Variants in CAST observed in about 807,000 individuals in gnomAD.
CAST encodes the protein MIR583 host.
In CAST, 76 loss-of-function variants were observed where a neutral mutation model predicts 119.6. That is an observed-to-expected ratio of 0.64 (90% confidence interval 0.53 to 0.77). The LOEUF (loss-of-function observed/expected upper bound fraction) is 0.77, where lower values mean the gene tolerates loss of function less well. CAST is among the 30% of genes least tolerant of loss of function. The pLI, the probability that CAST is intolerant of heterozygous loss-of-function variation, is 0.00. For synonymous variants in CAST, 319 were observed against 331.6 expected (o/e 0.96, Z 0.41); for missense variants, 953 against 946.5 (o/e 1.01, Z -0.09).
chr5:96,121,472 T>G, the CAST span, among the ~76,000 whole-genome samples: 4 of 151,570 alleles, frequency 2.6e-5, no homozygotes, highest in South Asian at 2.1e-4. Flanking sequence ...TGAGCTTGCA[T>G]TCATTTTGAT....
chr5:96,174,110 T>G, the CAST span, among the ~76,000 whole-genome samples: 2 of 152,158 alleles, frequency 1.3e-5, no homozygotes, highest in Non-Finnish European at 2.9e-5. Context: ...TTTTCACTTT[T>G]AATTTCATGA....
At chr5:96,089,665 TG>T in the CAST span, among the ~76,000 whole-genome samples, 17 of 152,202 alleles carry the variant, frequency 1.1e-4, no homozygotes, top group Non-Finnish European at 1.6e-4. Flanking sequence ...TGTTTTTGTT[TG>T]TGTATGTGTA....
the CAST span, among the ~76,000 whole-genome samples, chr5:96,051,410 T>C: frequency 6.6e-6 from 1 of 152,152 alleles, no homozygotes; most frequent in Non-Finnish European, 1.5e-5. Context: ...GAATTTGTCT[T>C]TCAAATAAAA....
chr5:96,429,055 A>G, the CAST span, among the ~76,000 whole-genome samples: 2 of 152,156 alleles, frequency 1.3e-5, no homozygotes, highest in Non-Finnish European at 2.9e-5. Context: ...ATGTGCCATT[A>G]TAATTTTATG....
chr5:96,415,805 A>T, the CAST span, among the ~76,000 whole-genome samples: 1 of 151,132 alleles, frequency 6.6e-6, no homozygotes, highest in East Asian at 1.9e-4. Context: ...ACATTTCCAC[A>T]TTTTTTTTTC....
chr5:96,250,591 C>A, the CAST span, among the ~76,000 whole-genome samples: 1 of 152,052 alleles, frequency 6.6e-6, no homozygotes, highest in Non-Finnish European at 1.5e-5. Flanking sequence ...CATGCTCAAT[C>A]CTAATGTAAG....
chr5:96,439,822 A>G, the CAST span, among the ~76,000 whole-genome samples: 2 of 152,212 alleles, frequency 1.3e-5, no homozygotes, highest in Non-Finnish European at 2.9e-5. Context: ...TTAAAATAAT[A>G]TAATCCTTGA....
chr5:96,028,595 G>A, the CAST span, among the ~76,000 whole-genome samples: 1 of 151,892 alleles, frequency 6.6e-6, no homozygotes, highest in African/African-American at 2.4e-5. Flanking sequence ...CTAGTATGGT[G>A]CATTCAAAAT....
chr5:96,639,000 T>TCCTA (rs1747918758), intron 1 of CAST, among the ~76,000 whole-genome samples: 1 of 152,234 alleles, frequency 6.6e-6, no homozygotes, highest in Non-Finnish European at 1.5e-5. Context: ...AGAGGTGGCC[T>TCCTA]CCTATCTTCT....
intron 1 of CAST, among the ~76,000 whole-genome samples, chr5:96,617,790 TAAAAAAAAAAAAAAAAAAAAAAA>T (rs1162873931): frequency 1.4e-3 from 31 of 22,000 alleles, no homozygotes; most frequent in African/African-American, 2.8e-3. Context: ...AAATTCCATC[TAAAAAAAAAAAAAAAAAAAAAAA>T]AAAAAAAAAA....
chr5:96,318,576 A>C, the CAST span: 1 of 152,220 alleles, frequency 6.6e-6, no homozygotes, highest in Non-Finnish European at 1.5e-5. Flanking sequence ...TGTTGCATAC[A>C]TCTTTACACC....
chr5:96,119,123 TG>T, the CAST span, among the ~76,000 whole-genome samples: 10 of 152,188 alleles, frequency 6.6e-5, no homozygotes, highest in Non-Finnish European at 1.5e-4. Context: ...CTGGTTCCCA[TG>T]AGGGGAAAAA....
the CAST span, among the ~76,000 whole-genome samples, chr5:96,481,977 T>A: frequency 1.3e-5 from 2 of 152,166 alleles, no homozygotes; most frequent in Non-Finnish European, 2.9e-5. Context: ...CGTTTTAAAT[T>A]AAAACCTGGC....
chr5:96,210,661 T>C, the CAST span, among the ~76,000 whole-genome samples: 1 of 152,084 alleles, frequency 6.6e-6, no homozygotes, highest in African/African-American at 2.4e-5. Context: ...AAGCTGTTTT[T>C]CTTCCTTTAC....
At chr5:96,064,785 G>T in the CAST span, among the ~76,000 whole-genome samples, 241 of 152,218 alleles carry the variant, frequency 1.6e-3, no homozygotes, top group Non-Finnish European at 3.1e-3. Flanking sequence ...TTCGTAGAAA[G>T]GTATGAAATT....
At chr5:96,057,177 A>C in the CAST span, among the ~76,000 whole-genome samples, 2 of 152,216 alleles carry the variant, frequency 1.3e-5, no homozygotes, top group East Asian at 3.8e-4. Context: ...TGGTTGACTG[A>C]AACTCTGTGA....
chr5:96,073,763 T>C, the CAST span, among the ~76,000 whole-genome samples: 2 of 152,216 alleles, frequency 1.3e-5, no homozygotes, highest in African/African-American at 2.4e-5. Context: ...CTCATTCACC[T>C]GCTGCCCACC....
the CAST span, among the ~76,000 whole-genome samples, chr5:96,036,721 C>T: frequency 6.6e-6 from 1 of 151,984 alleles, no homozygotes; most frequent in African/African-American, 2.4e-5. Context: ...TATTTAAGAC[C>T]ATACAAATAT....
At chr5:96,671,426 A>G (rs375927415) in intron 1 of CAST, among the ~76,000 whole-genome samples, 47 of 152,306 alleles carry the variant, frequency 3.1e-4, no homozygotes, top group African/African-American at 1.1e-3. Context: ...CGCATGCTCT[A>G]AAGACTTTCT....
Sources: allele counts gnomAD v4.1 joint callset (sites outside exome capture counted in the v4.1 genomes callset), GRCh38; gene constraint gnomAD v4.1.1; transcripts MANE v1.5; gene names NCBI Gene and HGNC (gene_info 2026-07-23, HGNC 2026-07-21).